Variants in CNTNAP2 observed in about 807,000 individuals in gnomAD.
CNTNAP2 encodes contactin associated protein 2.
In CNTNAP2, 98 loss-of-function variants were observed where a neutral mutation model predicts 155.2. The ratio of observed to expected loss-of-function variants is 0.63; its 90% CI spans 0.54 to 0.75. CNTNAP2 has a LOEUF of 0.75. Among genes scored for constraint, CNTNAP2 ranks in the 30% least tolerant of loss-of-function variants. CNTNAP2 has a pLI of 0.00. For missense variants in CNTNAP2, 1,727 were observed against 1,688.1 expected, an observed-to-expected ratio of 1.02 and a Z score of -0.40; for synonymous variants, 651 against 631.2, an observed-to-expected ratio of 1.03 and a Z score of -0.47.
chr7:148,106,517 T>TATATATATATATATATATAC (rs1804224754), intron 15 of CNTNAP2, among the ~76,000 whole-genome samples: 1 of 146,490 alleles, frequency 6.8e-6, no homozygotes, highest in Non-Finnish European at 1.5e-5. Context: ...TATATATATA[T>TATATATATATATATATATAC]ATACATATTT....
rs1170864513 is a variant in CNTNAP2, at chr7:148,074,576, C to A, written c.2384-43542C>A. 2.6e-5 allele frequency among the ~76,000 whole-genome samples: 4 copies of A among 152,056 alleles called. No homozygotes were observed. In the East Asian group the frequency reaches 7.8e-4, roughly 29 times the overall value. On this transcript the variant is annotated intron_variant, in intron 15 of 23. Transcript: ENST00000361727. ...TGGTGGCAGGTGCCTGTAATCCCAGCTACTTGGGAGTCTGATGCAGGCGAA... is the reference window on the plus strand; with the variant it reads ...TGGTGGCAGGTGCCTGTAATCCCAGATACTTGGGAGTCTGATGCAGGCGAA...
chr7:146,864,393 G>T (rs1216724738), intron 3 of CNTNAP2, among the ~76,000 whole-genome samples: 1 of 152,050 alleles, frequency 6.6e-6, no homozygotes, highest in African/African-American at 2.4e-5. Context: ...AAATGACAAA[G>T]TGTTCTTAAC....
At chr7:147,441,163 T>G (rs368318851) in intron 10 of CNTNAP2, among the ~76,000 whole-genome samples, 23 of 152,154 alleles carry the variant, frequency 1.5e-4, no homozygotes, top group Admixed American at 7.2e-4. Context: ...TTTGTTTTCT[T>G]TTGTCTCCTC....
chr7:146,749,419 C>A (rs1801865499), intron 1 of CNTNAP2, among the ~76,000 whole-genome samples: 1 of 152,098 alleles, frequency 6.6e-6, no homozygotes, highest in Non-Finnish European at 1.5e-5. Flanking sequence ...GACATCTAAG[C>A]CTTTATTCTT....
chr7:146,888,840 G>A (rs1428727664), intron 3 of CNTNAP2, among the ~76,000 whole-genome samples: 3 of 151,994 alleles, frequency 2.0e-5, no homozygotes, highest in Admixed American at 6.6e-5. Context: ...GGGGATAAGG[G>A]GAAGGGGAAA....
chr7:146,965,805 G>C (rs1273105891), intron 3 of CNTNAP2, among the ~76,000 whole-genome samples: 1 of 152,168 alleles, frequency 6.6e-6, no homozygotes, highest in Non-Finnish European at 1.5e-5. Context: ...ATGGAAACAG[G>C]TATGTGAGGG....
chr7:146,781,572 A>G (rs1297325244), intron 2 of CNTNAP2, among the ~76,000 whole-genome samples: 3 of 152,068 alleles, frequency 2.0e-5, no homozygotes, highest in Middle Eastern at 3.2e-3. Context: ...TCACACTTAC[A>G]TACACATGTC....
At chr7:148,371,899 T>C (rs1798891231) in intron 21 of CNTNAP2, among the ~76,000 whole-genome samples, 1 of 152,006 alleles carries the variant, frequency 6.6e-6, no homozygotes, top group Non-Finnish European at 1.5e-5. Context: ...GGTAAAAATA[T>C]GATATAAAAG....
Position 148,353,547 on chromosome 7 carries a change from T to G in CNTNAP2, c.3476-30102T>G, listed in dbSNP as rs189011607. ...ACAATGCTATCTTGGTCTACACATT[T>G]TCTTATACAAGTGACAGTAATACTA... On this transcript the variant is annotated intron_variant, in intron 21 of 23. Transcript: ENST00000361727. Among the ~76,000 whole-genome samples, 138 of 152,362 alleles carry G rather than the reference T, an allele frequency of 9.1e-4. 2 individuals carry two copies. The highest frequency in any genetic ancestry group is 1.2e-3 in the South Asian group (6 of 4,824).
chr7:147,157,533 T>TCAAGGCTCACCTTTATTTCC (rs1801950272), intron 8 of CNTNAP2, among the ~76,000 whole-genome samples: 1 of 152,178 alleles, frequency 6.6e-6, no homozygotes, highest in South Asian at 2.1e-4. Context: ...TCTTGTGTAG[T>TCAAGGCTCACCTTTATTTCC]CAAGGCTCAC....
At chr7:147,249,738 G>C (rs1045322984) in intron 8 of CNTNAP2, among the ~76,000 whole-genome samples, 3 of 151,848 alleles carry the variant, frequency 2.0e-5, no homozygotes, top group Admixed American at 1.3e-4. Context: ...ATACTAGTCA[G>C]AGGTCATAAT....
chr7:146,181,884 G>T (rs1798554640), intron 1 of CNTNAP2, among the ~76,000 whole-genome samples: 2 of 152,086 alleles, frequency 1.3e-5, no homozygotes, highest in African/African-American at 4.8e-5. Flanking sequence ...TGGCACTCTT[G>T]ATATTGTTTC....
intron 14 of CNTNAP2, among the ~76,000 whole-genome samples, chr7:147,962,325 T>C (rs1475451356): frequency 6.6e-6 from 1 of 152,230 alleles, no homozygotes; most frequent in African/African-American, 2.4e-5. Context: ...AATGTTAGTC[T>C]ATGTGCTTTG....
chr7:147,990,861 G>A (rs1441445812), intron 15 of CNTNAP2, among the ~76,000 whole-genome samples: 1 of 152,012 alleles, frequency 6.6e-6, no homozygotes, highest in Non-Finnish European at 1.5e-5. Flanking sequence ...TAAATCATTG[G>A]CCACATGATT....
At chr7:146,728,039 G>C (rs139791040) in intron 1 of CNTNAP2, among the ~76,000 whole-genome samples, 26 of 152,210 alleles carry the variant, frequency 1.7e-4, no homozygotes, top group African/African-American at 6.0e-4. Flanking sequence ...TTCAACTCAC[G>C]GTGGCAAAGA....
intron 20 of CNTNAP2, among the ~76,000 whole-genome samples, chr7:148,258,536 G>C (rs1206873257): frequency 6.6e-6 from 1 of 152,140 alleles, no homozygotes; most frequent in Non-Finnish European, 1.5e-5. Context: ...TGGAGATTCC[G>C]ATGGGGAGAA....
chr7:148,126,333 G>C (rs1804715412), intron 16 of CNTNAP2, among the ~76,000 whole-genome samples: 1 of 152,172 alleles, frequency 6.6e-6, no homozygotes, highest in Non-Finnish European at 1.5e-5. Flanking sequence ...AACTAAATAA[G>C]CATTTGTTGA....
chr7:146,838,918 G>A (rs767667268), intron 2 of CNTNAP2, among the ~76,000 whole-genome samples: 1 of 152,018 alleles, frequency 6.6e-6, no homozygotes, highest in Non-Finnish European at 1.5e-5. Flanking sequence ...CTAACATTAT[G>A]CCATATTTTC....
intron 1 of CNTNAP2, among the ~76,000 whole-genome samples, chr7:146,258,143 C>T (rs991141700): frequency 1.2e-4 from 18 of 152,142 alleles, no homozygotes; most frequent in South Asian, 4.1e-4. Flanking sequence ...CCACCTGCCT[C>T]GCCCTTCCAG....
Sources: allele counts gnomAD v4.1 joint callset (sites outside exome capture counted in the v4.1 genomes callset), GRCh38; gene constraint gnomAD v4.1.1; transcripts MANE v1.5; gene names NCBI Gene and HGNC (gene_info 2026-07-23, HGNC 2026-07-21).